Variants in PRDM1 observed in about 807,000 individuals in gnomAD.
The protein encoded by PRDM1 is PR/SET domain 1, also known as PR domain zinc finger protein 1.
Under a neutral mutation model 62.8 loss-of-function variants are expected in PRDM1, and 13 were observed. That is an observed-to-expected ratio of 0.21 (90% CI 0.13 to 0.33). The LOEUF is 0.33. Ranked by LOEUF, PRDM1 falls within the 10% of genes least tolerant of loss-of-function variation. The probability of loss-of-function intolerance (pLI) is 1.00; values close to 1 mark genes in which losing one functional copy is unlikely to be tolerated. For synonymous variants in PRDM1, 396 were observed against 417.6 expected (o/e 0.95, Z 0.63); for missense variants, 895 against 1,058.8 (o/e 0.85, Z 2.15).
Position 106,108,855 on chromosome 6 carries a change from T to G in PRDM1, c.*1369T>G, listed in dbSNP as rs1774596740. The G allele has an allele frequency of 4.3e-6, 1 of 232,512 alleles. No homozygotes were observed. The highest frequency in any genetic ancestry group is 8.5e-6 in the Non-Finnish European group (1 of 117,418). The allele number at this position is 232,512 out of a possible 1,614,324, so 14.4% of individuals were successfully genotyped here. On this transcript the variant is annotated 3_prime_UTR_variant, in exon 7 of 7. Transcript: ENST00000369096. ...CAGTAGTGCAGGAAATGATGTCTTA[T>G]CTAATGATTTGCTTCTCTAGAGGAG...
At chr6:106,064,526 A>G (rs1773397217) in intron 1 of PRDM1, among the ~76,000 whole-genome samples, 1 of 152,142 alleles carries the variant, frequency 6.6e-6, no homozygotes, top group Non-Finnish European at 1.5e-5. Context: ...GAAAGGGGAG[A>G]TGGGAAGCAG....
intron 1 of PRDM1, among the ~76,000 whole-genome samples, chr6:106,050,622 A>G (rs1773158667): frequency 6.6e-6 from 1 of 152,182 alleles, no homozygotes; most frequent in African/African-American, 2.4e-5. Context: ...CCCTTCATCC[A>G]TCTTACCTGC....
Position 106,106,285 on chromosome 6 carries a change from T to C in PRDM1, c.1774-86T>C. ...GTCTTGATGCTTTTCTTAAGATATT[T>C]GCATCAACACTTGAGTCTTGGAGCA... On this transcript the variant is annotated intron_variant, in intron 5 of 6. Transcript: ENST00000369096. The surrounding 1 kb of genome is among the most constrained non-coding windows in gnomAD (Gnocchi z 4.4). The C allele has an allele frequency of 6.6e-7, 1 of 1,515,558 alleles. No homozygotes were observed. The highest frequency in any genetic ancestry group is 9.0e-7 in the Non-Finnish European group (1 of 1,112,396). The allele number at this position is 1,515,558 out of a possible 1,614,324, so 93.9% of individuals were successfully genotyped here. A position where few individuals can be genotyped will look rare whatever the true frequency, so the allele number is the denominator to read the frequency against.
intron 1 of PRDM1, among the ~76,000 whole-genome samples, chr6:106,037,083 A>G (rs1772933683): frequency 6.6e-6 from 1 of 152,186 alleles, no homozygotes; most frequent in Admixed American, 6.5e-5. Context: ...GTAGTAACCA[A>G]TTTCCTCAAC....
chr6:106,053,987 C>G (rs1773223500), intron 1 of PRDM1, among the ~76,000 whole-genome samples: 1 of 151,998 alleles, frequency 6.6e-6, no homozygotes, highest in South Asian at 2.1e-4. Flanking sequence ...ATAAAAGCCC[C>G]TCTGGGGTTT....
chr6:106,089,336 C>CAATT (rs1433719790), intron 2 of PRDM1, among the ~76,000 whole-genome samples: 1 of 152,124 alleles, frequency 6.6e-6, no homozygotes, highest in East Asian at 1.9e-4. Flanking sequence ...AGAGCACTGT[C>CAATT]AATTCTATTA....
At chr6:106,096,152 T>C (rs1231123051) in intron 3 of PRDM1, 1 of 162,720 alleles carries the variant, frequency 6.1e-6, no homozygotes, top group Admixed American at 6.0e-5. Flanking sequence ...ATTATCTTTT[T>C]GGTTTTTTTT....
chr6:106,057,231 T>C (rs1773281068), intron 1 of PRDM1, among the ~76,000 whole-genome samples: 1 of 152,134 alleles, frequency 6.6e-6, no homozygotes, highest in Non-Finnish European at 1.5e-5. Flanking sequence ...ATATTGAGAA[T>C]ATGCTGTGTA....
chr6:106,045,620 G>A (rs969785734), upstream of PRDM1: 23 of 152,150 alleles, frequency 1.5e-4, no homozygotes, highest in Non-Finnish European at 2.9e-4. Flanking sequence ...TAAAAACCTT[G>A]TTGACACTCA....
chr6:106,066,000 GC>G (rs1433447991), intron 1 of PRDM1, among the ~76,000 whole-genome samples: 2 of 152,182 alleles, frequency 1.3e-5, no homozygotes, highest in African/African-American at 4.8e-5. Context: ...CCTTGCCCTT[GC>G]CCATGGAAGC....
chr6:106,085,418 A>G (rs530516060), upstream of PRDM1, among the ~76,000 whole-genome samples: 107 of 152,346 alleles, frequency 7.0e-4, no homozygotes, highest in Non-Finnish European at 1.2e-3. Flanking sequence ...GCACAAGACC[A>G]TTGAAGGAAG....
chr6:105,999,888 C>G (rs1302111213), intron 1 of PRDM1, among the ~76,000 whole-genome samples: 1 of 152,156 alleles, frequency 6.6e-6, no homozygotes, highest in Admixed American at 6.5e-5. Context: ...GAGTCTTGCT[C>G]TGTCGCCCAG....
In PRDM1 at chr6:106,042,527, C is replaced by CAA. The variant is rs764478792; in HGVS notation, c.-66-45663_-66-45662dup. 8.9e-3 allele frequency among the ~76,000 whole-genome samples: 1,245 copies of CAA among 139,754 alleles called. 16 individuals carry two copies. The highest frequency in any genetic ancestry group is 0.029 in the African/African-American group (1,145 of 39,014). 91.7% of individuals were successfully genotyped at this position (139,754 alleles called of 152,430 possible). On this transcript the variant is annotated intron_variant, in intron 1 of 6. Coordinates refer to the PRDM1 transcript ENST00000652320. ...GGGCAACAGGAGTGAAACTCTGTCTCAAAAAAAAAAAACAAACAAACAACA... is the reference window on the plus strand; with the variant it reads ...GGGCAACAGGAGTGAAACTCTGTCTCAAAAAAAAAAAAAACAAACAAACAACA...
chr6:106,045,257 G>T (rs192240573), upstream of PRDM1, among the ~76,000 whole-genome samples: 5 of 152,130 alleles, frequency 3.3e-5, no homozygotes, highest in Non-Finnish European at 7.3e-5. Flanking sequence ...TATTGCACAA[G>T]TCGCAGAGGG....
chr6:106,105,429 T>C lies in PRDM1; in HGVS notation c.1269T>C (p.Asn423=). 1 of 1,614,190 alleles carries C rather than the reference T, an allele frequency of 6.2e-7. No individual in the cohort carries two copies. Among genetic ancestry groups the C allele is most frequent in the South Asian group, 1.1e-5 (1 of 91,088 alleles). The change falls in exon 5 of 7, where the codon AAT becomes AAC. Residue 423 remains asparagine, a synonymous_variant. Transcript: ENST00000369096. ...FLLPPYGMNC[N]GLSAVSSMNG... is the part of the protein sequence containing the mutation. ...TGCCCCCCTACGGCATGAATTGTAATGGCCTGAGCGCTGTGAGCAGCATGA... is the reference window on the plus strand; with the variant it reads ...TGCCCCCCTACGGCATGAATTGTAACGGCCTGAGCGCTGTGAGCAGCATGA...
intron 1 of PRDM1, among the ~76,000 whole-genome samples, chr6:106,054,028 C>T (rs925679560): frequency 2.0e-5 from 3 of 148,386 alleles, no homozygotes; most frequent in South Asian, 2.1e-4. Flanking sequence ...GTGTTGGTCT[C>T]TTTTTTTTTT....
intron 1 of PRDM1, among the ~76,000 whole-genome samples, chr6:106,059,765 A>G (rs1188816740): frequency 6.6e-6 from 1 of 152,184 alleles, no homozygotes; most frequent in African/African-American, 2.4e-5. Context: ...AGATGGTGAG[A>G]TATGTTTGGA....
chr6:106,077,369 C>T (rs1404658713), intron 1 of PRDM1, among the ~76,000 whole-genome samples: 8 of 152,114 alleles, frequency 5.3e-5, no homozygotes, highest in Non-Finnish European at 1.0e-4. Flanking sequence ...AGATCATTGT[C>T]CAGGAGGATG....
intron 1 of PRDM1, among the ~76,000 whole-genome samples, chr6:106,064,882 G>C (rs1773408036): frequency 6.6e-6 from 1 of 152,126 alleles, no homozygotes; most frequent in Admixed American, 6.5e-5. Flanking sequence ...TTGAATTTGG[G>C]GCAGTTGCTT....
Sources: allele counts gnomAD v4.1 joint callset (sites outside exome capture counted in the v4.1 genomes callset), GRCh38; gene constraint gnomAD v4.1.1; non-coding constraint Gnocchi (gnomAD v3.1); transcripts MANE v1.5; gene names NCBI Gene and HGNC (gene_info 2026-07-23, HGNC 2026-07-21).